Variants in RALYL observed in about 807,000 individuals in gnomAD.
RALYL encodes RALY RNA binding protein like, also known as RNA-binding Raly-like protein.
Under a neutral mutation model 35.1 loss-of-function variants are expected in RALYL, and 29 were observed. That is an observed-to-expected ratio of 0.83 (90% CI 0.61 to 1.13). RALYL has a LOEUF of 1.13. RALYL is among the 50% of genes most tolerant of loss of function. RALYL has a pLI of 0.00. For synonymous variants in RALYL, 120 were observed against 127.6 expected (o/e 0.94, Z 0.40); for missense variants, 359 against 360.4 (o/e 1.00, Z 0.03).
chr8:84,567,506 C>T (rs1445697297), intron 2 of RALYL, among the ~76,000 whole-genome samples: 4 of 151,766 alleles, frequency 2.6e-5, no homozygotes, highest in Non-Finnish European at 5.9e-5. Flanking sequence ...TCTCCATCAC[C>T]ATCTATATTG....
chr8:84,835,502 TA>T (rs35745516), intron 4 of RALYL, among the ~76,000 whole-genome samples: 7,990 of 96,252 alleles, frequency 0.083, 612 homozygotes, highest in African/African-American at 0.26. Context: ...CTGTCTCTAC[TA>T]AAAAAAAAAA....
At chr8:84,314,668 G>A (rs1182626287) in intron 1 of RALYL, among the ~76,000 whole-genome samples, 1 of 152,134 alleles carries the variant, frequency 6.6e-6, no homozygotes, top group Non-Finnish European at 1.5e-5. Context: ...TGAGGCTACA[G>A]TGAGCTATGA....
intron 2 of RALYL, among the ~76,000 whole-genome samples, chr8:84,555,016 C>T (rs1174674125): frequency 6.6e-6 from 1 of 152,200 alleles, no homozygotes; most frequent in African/African-American, 2.4e-5. Context: ...CACAGTGGCT[C>T]ACGCCTGTAA....
intron 1 of RALYL, among the ~76,000 whole-genome samples, chr8:84,347,712 C>T (rs1850099627): frequency 6.6e-6 from 1 of 152,096 alleles, no homozygotes; most frequent in Non-Finnish European, 1.5e-5. Context: ...TGTATCTGAA[C>T]ATTTTAGTCC....
At chr8:84,872,289 G>C (rs145738684) in intron 6 of RALYL, among the ~76,000 whole-genome samples, 3 of 152,050 alleles carry the variant, frequency 2.0e-5, no homozygotes, top group African/African-American at 4.8e-5. Flanking sequence ...TTAAATGCTC[G>C]TGTCACTGAG....
chr8:84,499,271 A>G (rs903330243), intron 1 of RALYL, among the ~76,000 whole-genome samples: 3 of 152,042 alleles, frequency 2.0e-5, no homozygotes, highest in African/African-American at 7.2e-5. Flanking sequence ...TTTCTTAAGT[A>G]GTTTACAATT....
rs1256218000 is a variant in RALYL, at chr8:84,855,646, G to C, written c.413+5619G>C. 2.6e-5 allele frequency among the ~76,000 whole-genome samples: 4 copies of C among 152,142 alleles called. No individual in the cohort carries two copies. In the East Asian group the frequency reaches 7.7e-4, roughly 29 times the overall value. On this transcript the variant is annotated intron_variant, in intron 5 of 8. Coordinates refer to ENST00000521268, the MANE Select transcript of RALYL (RefSeq NM_173848.7). Reference sequence around the variant, plus strand: ...TTGTATGTTAATACATTAAACGTAAGTATTTATACTCTAGCAAAGTAAAAG... The same window carrying C: ...TTGTATGTTAATACATTAAACGTAACTATTTATACTCTAGCAAAGTAAAAG...
rs1843011488 is a variant in RALYL at position 84,887,084 on chromosome 8, A to T, written c.686-520A>T. On this transcript the variant is annotated intron_variant, in intron 7 of 8. Coordinates refer to ENST00000521268, the MANE Select transcript of RALYL (RefSeq NM_173848.7). ...TAAAATTTCCGGCAATTATTCACACAGACATGTTGTCTGAAAAACAACATA... is the reference window on the plus strand; with the variant it reads ...TAAAATTTCCGGCAATTATTCACACTGACATGTTGTCTGAAAAACAACATA... Among the ~76,000 whole-genome samples, 5 of 151,760 alleles carry T rather than the reference A, an allele frequency of 3.3e-5. No homozygotes were observed. In the South Asian group the frequency reaches 1.0e-3, roughly 31 times the overall value.
At chr8:84,418,087 C>T (rs948836889) in intron 1 of RALYL, among the ~76,000 whole-genome samples, 1 of 152,022 alleles carries the variant, frequency 6.6e-6, no homozygotes, top group Non-Finnish European at 1.5e-5. Context: ...AGTAATTGAC[C>T]TCTTTATATT....
intron 4 of RALYL, among the ~76,000 whole-genome samples, chr8:84,841,647 C>A (rs982462935): frequency 6.6e-6 from 1 of 152,276 alleles, no homozygotes; most frequent in Middle Eastern, 3.4e-3. Flanking sequence ...CTGTCTACCC[C>A]AAATCAACAG....
rs560797134 is a variant in RALYL, at chr8:84,799,849, G to A, written c.333-4921G>A. 2.6e-5 allele frequency among the ~76,000 whole-genome samples: 4 copies of A among 152,264 alleles called. No homozygotes were observed. The South Asian group carries it at 6.2e-4, about 24-fold the overall frequency. ...CAGGCACCTGTAGTCCCAGCTACTC[G>A]GGAGGCTGAGGCAGGAGAATGGCGT... is the stretch of plus-strand genomic sequence containing the variant. On this transcript the variant is annotated intron_variant, in intron 3 of 8. Coordinates refer to ENST00000521268, the MANE Select transcript of RALYL (RefSeq NM_173848.7).
chr8:84,858,225 A>AAAT (rs1837431422), intron 5 of RALYL, among the ~76,000 whole-genome samples: 3 of 152,184 alleles, frequency 2.0e-5, no homozygotes, highest in African/African-American at 7.2e-5. Flanking sequence ...TTAAATAAAG[A>AAAT]AATTAAATTC....
intron 2 of RALYL, among the ~76,000 whole-genome samples, chr8:84,718,840 C>T (rs1161837895): frequency 6.6e-6 from 1 of 152,042 alleles, no homozygotes; most frequent in Non-Finnish European, 1.5e-5. Flanking sequence ...ATTTCTTGAC[C>T]TGGTATTATC....
At chr8:84,618,135 T>A (rs1423077918) in intron 2 of RALYL, among the ~76,000 whole-genome samples, 1 of 151,870 alleles carries the variant, frequency 6.6e-6, no homozygotes, top group East Asian at 1.9e-4. Flanking sequence ...ATTCCCTCTT[T>A]TTCTATTGAT....
chr8:84,856,783 C>T (rs551925459), intron 5 of RALYL, among the ~76,000 whole-genome samples: 1 of 151,572 alleles, frequency 6.6e-6, no homozygotes, highest in Admixed American at 6.6e-5. Context: ...AATCCCAGCA[C>T]TTTGGGAGGC....
intron 1 of RALYL, among the ~76,000 whole-genome samples, chr8:84,263,862 G>A (rs1281543784): frequency 6.6e-6 from 1 of 152,146 alleles, no homozygotes; most frequent in Non-Finnish European, 1.5e-5. Context: ...AGAACATGTG[G>A]TGTTTGGTTT....
chr8:84,415,247 G>GC (rs2044559317), intron 1 of RALYL, among the ~76,000 whole-genome samples: 1 of 68,372 alleles, frequency 1.5e-5, no homozygotes. Flanking sequence ...GTTTTGTTTT[G>GC]TTTTTTTGAT....
chr8:84,783,324 G>A (rs923481342), intron 3 of RALYL, among the ~76,000 whole-genome samples: 8 of 152,106 alleles, frequency 5.3e-5, no homozygotes, highest in African/African-American at 1.4e-4. Context: ...TTGTATTATC[G>A]AATAAACATT....
chr8:84,626,914 C>A (rs1822854068), intron 2 of RALYL, among the ~76,000 whole-genome samples: 3 of 152,132 alleles, frequency 2.0e-5, no homozygotes, highest in Non-Finnish European at 4.4e-5. Flanking sequence ...GCTTTCACAG[C>A]CTTATTTCGT....
Sources: allele counts gnomAD v4.1 joint callset (sites outside exome capture counted in the v4.1 genomes callset), GRCh38; gene constraint gnomAD v4.1.1; transcripts MANE v1.5; gene names NCBI Gene and HGNC (gene_info 2026-07-23, HGNC 2026-07-21).